The following BABAM2 variants were observed in gnomAD, a reference collection of about 807,000 sequenced individuals.
BABAM2 encodes BRISC and BRCA1 A complex member 2.
Under a neutral mutation model 54.7 loss-of-function variants are expected in BABAM2, and 31 were observed. The ratio of observed to expected loss-of-function variants is 0.57; its 90% CI spans 0.43 to 0.77. BABAM2 has a LOEUF of 0.77. BABAM2 is among the 30% of genes least tolerant of loss of function. The pLI, the probability that BABAM2 is intolerant of heterozygous loss-of-function variation, is 0.00. For synonymous variants in BABAM2, 167 were observed against 162.9 expected (o/e 1.03, Z -0.19); for missense variants, 364 against 455.8 (o/e 0.80, Z 1.83).
chr2:28,078,527 A>T (rs1174873013), intron 6 of BABAM2, among the ~76,000 whole-genome samples: 1 of 152,088 alleles, frequency 6.6e-6, no homozygotes, highest in Non-Finnish European at 1.5e-5. Context: ...AGGAAAATGA[A>T]TTTTTTGCAT....
chr2:28,168,393 C>A (rs1673943918), intron 7 of BABAM2, among the ~76,000 whole-genome samples: 1 of 152,206 alleles, frequency 6.6e-6, no homozygotes, highest in Non-Finnish European at 1.5e-5. Flanking sequence ...TTGGCACTTT[C>A]AAAAGCCATA....
chr2:28,054,700 A>T (rs7562823), intron 6 of BABAM2, among the ~76,000 whole-genome samples: 152,351 of 152,356 alleles, frequency 1, 76,173 homozygotes, highest in Non-Finnish European at 1. Context: ...GATCATGGAC[A>T]TTCTAGCTTC....
chr2:27,939,275 C>T (rs138400463), intron 3 of BABAM2, among the ~76,000 whole-genome samples: 9 of 152,284 alleles, frequency 5.9e-5, no homozygotes, highest in East Asian at 1.9e-4. Context: ...TTCTAACCAA[C>T]GCTGAATCAA....
At chr2:28,018,438 C>A (rs954127858) in intron 4 of BABAM2, among the ~76,000 whole-genome samples, 2 of 152,122 alleles carry the variant, frequency 1.3e-5, no homozygotes, top group African/African-American at 4.8e-5. Flanking sequence ...CCCATTTTTG[C>A]AATTGCAAAT....
At chr2:28,075,468 G>A (rs1309798768) in intron 6 of BABAM2, among the ~76,000 whole-genome samples, 1 of 151,988 alleles carries the variant, frequency 6.6e-6, no homozygotes. Context: ...AGGTAAGAAA[G>A]AATAAAAGTA....
chr2:28,163,822 G>A (rs1023766030), intron 7 of BABAM2, among the ~76,000 whole-genome samples: 12 of 152,160 alleles, frequency 7.9e-5, no homozygotes, highest in South Asian at 2.1e-4. Flanking sequence ...GTGATCTATC[G>A]TCATGGAGAT....
chr2:28,208,134 G>A (rs1346125638), intron 7 of BABAM2, among the ~76,000 whole-genome samples: 1 of 151,884 alleles, frequency 6.6e-6, no homozygotes, highest in Non-Finnish European at 1.5e-5. Context: ...GCAGTGTTAG[G>A]AAGATACTTT....
At chr2:28,068,211 T>C (rs1573512992) in intron 6 of BABAM2, among the ~76,000 whole-genome samples, 1 of 152,350 alleles carries the variant, frequency 6.6e-6, no homozygotes, top group East Asian at 1.9e-4. Flanking sequence ...AACAGACTTC[T>C]GATTATGTAA....
At chr2:28,286,766 C>T (rs575918098) in intron 10 of BABAM2, among the ~76,000 whole-genome samples, 1 of 152,276 alleles carries the variant, frequency 6.6e-6, no homozygotes, top group South Asian at 2.1e-4. Flanking sequence ...CCTTCGTCCT[C>T]GTCTCCTTTC....
intron 2 of BABAM2, among the ~76,000 whole-genome samples, chr2:27,906,517 AGTG>A (rs1200183438): frequency 6.6e-6 from 1 of 152,140 alleles, no homozygotes; most frequent in African/African-American, 2.4e-5. Context: ...TAAGATTGTA[AGTG>A]GTGGTGTTGG....
chr2:28,220,755 C>T (rs1680328049), intron 7 of BABAM2, among the ~76,000 whole-genome samples: 1 of 152,106 alleles, frequency 6.6e-6, no homozygotes, highest in South Asian at 2.1e-4. Context: ...ATAGGAAGAC[C>T]TTGCTTCAAC....
At chr2:28,024,060 T>C (rs1196457910) in intron 4 of BABAM2, among the ~76,000 whole-genome samples, 2 of 152,200 alleles carry the variant, frequency 1.3e-5, no homozygotes, top group Non-Finnish European at 2.9e-5. Context: ...ATGGTTATTT[T>C]ATTCTCTGTT....
intron 7 of BABAM2, among the ~76,000 whole-genome samples, chr2:28,167,799 A>G (rs905332107): frequency 1.3e-5 from 2 of 152,158 alleles, no homozygotes; most frequent in African/African-American, 4.8e-5. Context: ...TGGTTACTCT[A>G]TATATTCTAA....
intron 6 of BABAM2, among the ~76,000 whole-genome samples, chr2:28,087,119 C>A (rs1665717207): frequency 6.6e-6 from 1 of 152,170 alleles, no homozygotes; most frequent in Non-Finnish European, 1.5e-5. Context: ...ATGCCAGCAT[C>A]AGTTGGCCAT....
At chr2:27,982,221 G>A (rs1672056393) in intron 3 of BABAM2, among the ~76,000 whole-genome samples, 1 of 151,896 alleles carries the variant, frequency 6.6e-6, no homozygotes, top group African/African-American at 2.4e-5. Context: ...TTATATTGTT[G>A]ACTTGTGAGA....
chr2:28,110,970 CTTT>C (rs551330384), intron 6 of BABAM2, among the ~76,000 whole-genome samples: 2 of 133,096 alleles, frequency 1.5e-5, no homozygotes, highest in Non-Finnish European at 3.3e-5. Flanking sequence ...TTGGCTGTTT[CTTT>C]TTTTTTTTTT....
chr2:28,107,633 G>A lies in BABAM2; in HGVS notation c.571-21638G>A, dbSNP rs1323258870. 3.3e-5 allele frequency among the ~76,000 whole-genome samples: 5 copies of A among 152,276 alleles called. No homozygotes were observed. The East Asian group carries it at 5.8e-4, about 18-fold the overall frequency. On this transcript the variant is annotated intron_variant, in intron 6 of 11. Coordinates refer to ENST00000379624, the MANE Select transcript of BABAM2 (RefSeq NM_199191.3). ...AGGACCATTACCTCTTCCTTGAAAA[G>A]CCTCATGTGATGCCCAGTCGTGCCC...
intron 3 of BABAM2, among the ~76,000 whole-genome samples, chr2:27,932,508 T>C (rs1261628865): frequency 2.6e-5 from 4 of 152,178 alleles, no homozygotes; most frequent in Non-Finnish European, 5.9e-5. Context: ...AAAATAGTGA[T>C]TGGGACTTCT....
At chr2:28,076,948 A>G (rs1310022429) in intron 6 of BABAM2, among the ~76,000 whole-genome samples, 2 of 152,192 alleles carry the variant, frequency 1.3e-5, no homozygotes, top group African/African-American at 4.8e-5. Flanking sequence ...GTGATAAGCA[A>G]GGTTTTATCA....
Sources: allele counts gnomAD v4.1 joint callset (sites outside exome capture counted in the v4.1 genomes callset), GRCh38; gene constraint gnomAD v4.1.1; transcripts MANE v1.5; gene names NCBI Gene and HGNC (gene_info 2026-07-23, HGNC 2026-07-21).